The following CA13 variants were observed in gnomAD, a reference collection of about 807,000 sequenced individuals.
The protein encoded by CA13 is CA-XIII.
CA13 carries 21 observed loss-of-function variants against 31.5 expected under a neutral mutation model. The observed-to-expected ratio is 0.67, with a 90% CI of 0.47 to 0.96. The LOEUF is 0.96. CA13 is among the 40% of genes least tolerant of loss of function. The pLI is 0.00. For synonymous variants in CA13, 117 were observed against 111.4 expected (o/e 1.05, Z -0.32); for missense variants, 315 against 318.9 (o/e 0.99, Z 0.09).
chr8:85,253,990 A>T (rs754222912), intron 2 of CA13, among the ~76,000 whole-genome samples: 7 of 152,154 alleles, frequency 4.6e-5, no homozygotes, highest in Non-Finnish European at 8.8e-5. Flanking sequence ...AATAAATAAA[A>T]AAATAAGGCC....
At chr8:85,258,824 C>T (rs928696231) in intron 2 of CA13, among the ~76,000 whole-genome samples, 1 of 137,182 alleles carries the variant, frequency 7.3e-6, no homozygotes, top group African/African-American at 2.7e-5. Context: ...GTAGTTCTAG[C>T]TACTTGGGAG....
chr8:85,258,314 T>A (rs571287637), intron 2 of CA13, among the ~76,000 whole-genome samples: 4 of 152,290 alleles, frequency 2.6e-5, no homozygotes, highest in African/African-American at 9.6e-5. Flanking sequence ...TCTATATACT[T>A]AAGATATGAT....
intron 6 of CA13, among the ~76,000 whole-genome samples, chr8:85,280,438 G>A (rs1210716068): frequency 6.6e-6 from 1 of 152,102 alleles, no homozygotes; most frequent in African/African-American, 2.4e-5. Context: ...GGTTAGTACT[G>A]TACAAGAAAC....
intron 6 of CA13, among the ~76,000 whole-genome samples, chr8:85,277,124 T>G (rs1807623016): frequency 6.6e-6 from 1 of 152,192 alleles, no homozygotes; most frequent in Admixed American, 6.5e-5. Flanking sequence ...AAAAGCAGGC[T>G]GCGGGAGCCA....
chr8:85,251,645 G>GA (rs914777280), intron 2 of CA13, among the ~76,000 whole-genome samples: 2 of 151,836 alleles, frequency 1.3e-5, no homozygotes, highest in Admixed American at 6.6e-5. Context: ...TGCTTTAATA[G>GA]AAAAAGTTTA....
chr8:85,273,659 G>A (rs1807559926), intron 6 of CA13, among the ~76,000 whole-genome samples: 1 of 151,964 alleles, frequency 6.6e-6, no homozygotes, highest in Non-Finnish European at 1.5e-5. Context: ...CGGGTACTAT[G>A]TAGCAGTCAG....
chr8:85,264,253 A>C (rs1032828988), intron 3 of CA13, among the ~76,000 whole-genome samples: 1 of 152,238 alleles, frequency 6.6e-6, no homozygotes, highest in African/African-American at 2.4e-5. Flanking sequence ...TTTTTGGCAT[A>C]GTATTTGGCA....
intron 1 of CA13, among the ~76,000 whole-genome samples, chr8:85,250,409 A>C (rs1813805691): frequency 6.6e-6 from 1 of 152,180 alleles, no homozygotes; most frequent in South Asian, 2.1e-4. Context: ...ACTGAATGTC[A>C]TTGTTTTCAA....
Position 85,283,124 on chromosome 8 carries a change from A to G in CA13, c.*1775A>G, listed in dbSNP as rs186561499. On this transcript the variant is annotated 3_prime_UTR_variant, in exon 7 of 7. Coordinates refer to ENST00000321764, the MANE Select transcript of CA13 (RefSeq NM_198584.3). ...ATTTTTAGTAGAGATGGGTTTTGCA[A>G]TGTTGGCCAGGCTGGTCTCAAACTC... 44 of 152,132 alleles carry G rather than the reference A, an allele frequency of 2.9e-4. No individual in the cohort carries two copies. The highest frequency in any genetic ancestry group is 9.4e-4 in the African/African-American group (39 of 41,482). 9.4% of individuals were successfully genotyped at this position (152,132 alleles called of 1,614,324 possible).
chr8:85,245,747 G>A lies in CA13; in HGVS notation c.-82G>A. 1 of 1,526,336 alleles carries A rather than the reference G, an allele frequency of 6.6e-7. No homozygotes were observed. The highest frequency in any genetic ancestry group is 9.1e-7 in the Non-Finnish European group (1 of 1,102,176). 94.5% of individuals were successfully genotyped at this position (1,526,336 alleles called of 1,614,324 possible). On this transcript the variant is annotated 5_prime_UTR_variant, in exon 1 of 7. Transcript: ENST00000321764. ...GCGCCCCGCGGTCCCGCCCTAGCAGGCTCCTTCCCGGGCCCCTCCCCGCTC... is the reference window on the plus strand; with the variant it reads ...GCGCCCCGCGGTCCCGCCCTAGCAGACTCCTTCCCGGGCCCCTCCCCGCTC...
intron 3 of CA13, 113 bp downstream of exon 3, chr8:85,259,652 G>A (rs1807351003): frequency 1.3e-6 from 1 of 798,508 alleles, no homozygotes; most frequent in African/African-American, 1.7e-5. Flanking sequence ...AGGTATCTTA[G>A]TGTCTGAAAC....
chr8:85,280,403 CCT>C (rs1008267620), intron 6 of CA13, among the ~76,000 whole-genome samples: 21 of 152,130 alleles, frequency 1.4e-4, no homozygotes, highest in African/African-American at 5.1e-4. Context: ...TTATAAAGGA[CCT>C]CTCTCTCCTC....
Position 85,254,000 on chromosome 8 carries a change from C to T in CA13, c.235+3063C>T, listed in dbSNP as rs202043874. Among the ~76,000 whole-genome samples the T allele has an allele frequency of 5.9e-5, 9 of 151,824 alleles. No homozygotes were observed. The East Asian group carries it at 9.6e-4, about 16-fold the overall frequency. ...AGATAAATAAATAAAAAAATAAGGC[C>T]GGGTGTGGTGGCTCACATCTGTAAT... On this transcript the variant is annotated intron_variant, in intron 2 of 6. Coordinates refer to ENST00000321764, the MANE Select transcript of CA13 (RefSeq NM_198584.3).
Position 85,250,896 on chromosome 8 carries a change from A to G in CA13, c.194A>G (p.His65Arg), listed in dbSNP as rs1324906247. 1.2e-5 allele frequency: 20 copies of G among 1,613,730 alleles called. No individual in the cohort carries two copies. The highest frequency in any genetic ancestry group is 2.2e-5 in the South Asian group (2 of 91,076). Residue 65 changes from histidine (H) to arginine (R), a missense_variant, in exon 2 of 7, where the codon CAT becomes CGT. His to Arg is a conservative substitution (Grantham distance 29, BLOSUM62 0). Transcript: ENST00000321764. Reference protein sequence around the residue: ...SSAKIISNSGHSFNVDFDDTE... With the variant: ...SSAKIISNSGRSFNVDFDDTE... ...GCTAAAATCATCAGCAACAGCGGCCATTCCTTCAATGTTGACTTTGATGAC... is the reference window on the plus strand; with the variant it reads ...GCTAAAATCATCAGCAACAGCGGCCGTTCCTTCAATGTTGACTTTGATGAC...
At position 85,267,106 on chromosome 8, in the gene CA13, T is replaced by A. The variant is rs147793018; in HGVS notation, c.450+403T>A. The A allele has an allele frequency of 2.5e-3, 827 of 333,256 alleles. 3 individuals carry two copies. The highest frequency in any genetic ancestry group is 0.016 in the African/African-American group (716 of 44,612). The allele number at this position is 333,256 out of a possible 1,614,324, so 20.6% of individuals were successfully genotyped here. ...ATGTGCTCACTGGTTTTTAAAAAAATTTTATTGTATTTCCTTTAATCTAAC... is the reference window on the plus strand; with the variant it reads ...ATGTGCTCACTGGTTTTTAAAAAAAATTTATTGTATTTCCTTTAATCTAAC... On this transcript the variant is annotated intron_variant, in intron 4 of 6. Coordinates refer to ENST00000321764, the MANE Select transcript of CA13 (RefSeq NM_198584.3).
intron 3 of CA13, among the ~76,000 whole-genome samples, chr8:85,262,702 G>A (rs59712590): frequency 0.048 from 7,365 of 152,222 alleles, 219 homozygotes; most frequent in Non-Finnish European, 0.063. Flanking sequence ...AGAATAGATT[G>A]GATGGAAGCA....
intron 6 of CA13, among the ~76,000 whole-genome samples, chr8:85,274,780 C>T (rs1414078778): frequency 6.6e-6 from 1 of 152,170 alleles, no homozygotes; most frequent in Non-Finnish European, 1.5e-5. Flanking sequence ...CATGAACCAT[C>T]CTCAGCCCAA....
chr8:85,254,651 C>T (rs777329225), intron 2 of CA13, among the ~76,000 whole-genome samples: 3 of 151,848 alleles, frequency 2.0e-5, no homozygotes, highest in African/African-American at 7.3e-5. Context: ...GAAACAGTAG[C>T]TATGTAAATA....
In CA13 at chr8:85,279,899, G is replaced by A. The variant is rs1210990163; in HGVS notation, c.670-1331G>A. On this transcript the variant is annotated intron_variant, in intron 6 of 6. Coordinates refer to ENST00000321764, the MANE Select transcript of CA13 (RefSeq NM_198584.3). ...TTCTCTTCAGCCTCATGTGGTTTTA[G>A]CTATAATGATCTGGTCTAATGAAAC... Among the ~76,000 whole-genome samples, 3 of 152,208 alleles carry A rather than the reference G, an allele frequency of 2.0e-5. No homozygotes were observed. The South Asian group carries it at 6.2e-4, about 32-fold the overall frequency.
Sources: gnomAD v4.1 joint callset for allele counts (sites outside exome capture counted in the v4.1 genomes callset) on GRCh38, gnomAD v4.1.1 for gene constraint, MANE v1.5 for transcripts, NCBI Gene and HGNC (gene_info 2026-07-23, HGNC 2026-07-21) for gene names.